The following PALLD variants were observed in gnomAD, a reference collection of about 807,000 sequenced individuals.
PALLD encodes palladin, cytoskeletal associated protein.
In PALLD, 61 loss-of-function variants were observed where a neutral mutation model predicts 123.5. The ratio of observed to expected loss-of-function variants is 0.49; its 90% CI spans 0.40 to 0.61. The LOEUF is 0.61. PALLD is among the 20% of genes least tolerant of loss of function. The pLI is 0.00. For synonymous variants in PALLD, 465 were observed against 496.4 expected (o/e 0.94, Z 0.84); for missense variants, 1,273 against 1,377.0 (o/e 0.92, Z 1.20).
intron 2 of PALLD, among the ~76,000 whole-genome samples, chr4:168,557,005 T>C (rs1261941524): frequency 2.0e-5 from 3 of 147,862 alleles, no homozygotes; most frequent in Non-Finnish European, 4.6e-5. Context: ...CAGTATTCAA[T>C]GGGCTCTCAA....
intron 2 of PALLD, among the ~76,000 whole-genome samples, chr4:168,630,083 G>A (rs1420438157): frequency 1.3e-5 from 2 of 152,142 alleles, no homozygotes; most frequent in African/African-American, 2.4e-5. Context: ...CTTTCGCCCA[G>A]GCATTTTAAT....
chr4:168,811,238 A>G lies in PALLD; in HGVS notation c.1965-79684A>G, dbSNP rs536975055. ...AAGTGACATCCCAAACATATTCTTC[A>G]GGATCCACTCTCAGAGCGTCTTGGT... On this transcript the variant is annotated intron_variant, in intron 10 of 21. Transcript: ENST00000505667. 2.0e-5 allele frequency among the ~76,000 whole-genome samples: 3 copies of G among 152,332 alleles called. No individual in the cohort carries two copies. The East Asian group carries it at 5.8e-4, about 29-fold the overall frequency.
At chr4:168,820,751 A>G (rs1420114142) in intron 10 of PALLD, among the ~76,000 whole-genome samples, 1 of 152,154 alleles carries the variant, frequency 6.6e-6, no homozygotes, top group Non-Finnish European at 1.5e-5. Flanking sequence ...TACTTTGAGT[A>G]AATAAAATGA....
chr4:168,849,583 G>A (rs563584213), intron 10 of PALLD, among the ~76,000 whole-genome samples: 56 of 152,116 alleles, frequency 3.7e-4, no homozygotes, highest in Non-Finnish European at 7.4e-4. Flanking sequence ...ACCCTGAGAA[G>A]GTTTTCAATC....
chr4:168,911,054 A>G (rs765609652), intron 15 of PALLD, among the ~76,000 whole-genome samples: 2 of 152,208 alleles, frequency 1.3e-5, no homozygotes, highest in Non-Finnish European at 2.9e-5. Flanking sequence ...ATAATTTATG[A>G]TGTCACATAC....
intron 2 of PALLD, among the ~76,000 whole-genome samples, chr4:168,653,315 T>C (rs1382441005): frequency 1.3e-5 from 2 of 152,224 alleles, no homozygotes; most frequent in Non-Finnish European, 2.9e-5. Flanking sequence ...AGGGAGACTA[T>C]GATCATTCTT....
intron 2 of PALLD, 125 bp from the exon 3 acceptor site, chr4:168,668,065 G>GTTTTTTTTT: frequency 1.6e-6 from 1 of 639,428 alleles, no homozygotes; most frequent in South Asian, 1.9e-5. Flanking sequence ...CACTGACATT[G>GTTTTTTTTT]TTTTTTTTTT....
At chr4:168,608,767 C>T (rs550801485) in intron 2 of PALLD, among the ~76,000 whole-genome samples, 2 of 151,010 alleles carry the variant, frequency 1.3e-5, no homozygotes, top group Non-Finnish European at 2.9e-5. Flanking sequence ...TTTTTAGTAT[C>T]TGTCATTTTT....
At chr4:168,706,102 G>A (rs965095519) in intron 8 of PALLD, among the ~76,000 whole-genome samples, 3 of 152,144 alleles carry the variant, frequency 2.0e-5, no homozygotes, top group Non-Finnish European at 4.4e-5. Flanking sequence ...TGCAGCAGAT[G>A]TCTAGAACGT....
At chr4:168,733,978 G>A (rs1357025068) in intron 10 of PALLD, among the ~76,000 whole-genome samples, 3 of 152,132 alleles carry the variant, frequency 2.0e-5, no homozygotes, top group African/African-American at 7.2e-5. Context: ...CTCGTGATCT[G>A]CCCGCCTTGG....
At chr4:168,729,933 A>G (rs1429888796) in intron 10 of PALLD, among the ~76,000 whole-genome samples, 1 of 152,152 alleles carries the variant, frequency 6.6e-6, no homozygotes, top group African/African-American at 2.4e-5. Context: ...TTCAGTGCCA[A>G]TCTGGTTTCT....
At chr4:168,686,683 G>A (rs974204747) in intron 6 of PALLD, 5 of 152,158 alleles carry the variant, frequency 3.3e-5, no homozygotes, top group Admixed American at 6.6e-5. Flanking sequence ...GTATCATCTC[G>A]ATCTTAGTAT....
At chr4:168,859,530 T>C (rs1283385489) in intron 10 of PALLD, among the ~76,000 whole-genome samples, 3 of 152,218 alleles carry the variant, frequency 2.0e-5, no homozygotes, top group Non-Finnish European at 2.9e-5. Context: ...TGATGGGAAG[T>C]CAGCAAATAG....
intron 3 of PALLD, among the ~76,000 whole-genome samples, chr4:168,670,407 A>G (rs1012264063): frequency 6.6e-6 from 1 of 152,226 alleles, no homozygotes; most frequent in Admixed American, 6.5e-5. Flanking sequence ...GGAGTTCTCA[A>G]TCTAACAGCA....
intron 2 of PALLD, among the ~76,000 whole-genome samples, chr4:168,528,888 T>G (rs193106448): frequency 1.3e-3 from 197 of 152,252 alleles, no homozygotes; most frequent in African/African-American, 4.4e-3. Flanking sequence ...ATGAGTAAAC[T>G]CTAATGAGAA....
intron 2 of PALLD, among the ~76,000 whole-genome samples, chr4:168,533,745 C>T (rs1580174861): frequency 6.6e-6 from 1 of 152,090 alleles, no homozygotes; most frequent in Non-Finnish European, 1.5e-5. Flanking sequence ...ATGACAGATC[C>T]ATGTGGAGAG....
At chr4:168,499,277 AGGGAGGATGGGAGGGAGGAT>A (rs1561174719) in intron 1 of PALLD, among the ~76,000 whole-genome samples, 21 of 46,320 alleles carry the variant, frequency 4.5e-4, no homozygotes, top group African/African-American at 1.3e-3. Flanking sequence ...GGAGGATGGG[AGGGAGGATGGGAGGGAGGAT>A]GGGAGGGAGG....
chr4:168,681,210 A>G lies in PALLD; in HGVS notation c.1088-122A>G. On this transcript the variant is annotated intron_variant, in intron 3 of 21. Coordinates refer to ENST00000505667, the MANE Select transcript of PALLD (RefSeq NM_001166108.2). Reference sequence around the variant, plus strand: ...GTCTGAGCCTGAATCACTCTATTTTATTGTGTGTTTCGGTCAAAAAGACTT... The same window carrying G: ...GTCTGAGCCTGAATCACTCTATTTTGTTGTGTGTTTCGGTCAAAAAGACTT... 5 of 674,404 alleles carry G rather than the reference A, an allele frequency of 7.4e-6. No individual in the cohort carries two copies. In the South Asian group the frequency reaches 7.9e-5, roughly 11 times the overall value. 41.8% of individuals were successfully genotyped at this position (674,404 alleles called of 1,614,324 possible).
At chr4:168,512,442 T>C in intron 2 of PALLD, 30 bp downstream of exon 2, 1 of 1,579,198 alleles carries the variant, frequency 6.3e-7, no homozygotes, top group Non-Finnish European at 8.7e-7. Flanking sequence ...GCATAGCAAA[T>C]GATCTTGTTG....
Sources: gnomAD v4.1 joint callset for allele counts (sites outside exome capture counted in the v4.1 genomes callset) on GRCh38, gnomAD v4.1.1 for gene constraint, MANE v1.5 for transcripts, NCBI Gene and HGNC (gene_info 2026-07-23, HGNC 2026-07-21) for gene names.